Variants in SLC24A2 observed in about 807,000 individuals in gnomAD.
SLC24A2 encodes sodium/potassium/calcium exchanger 2.
In SLC24A2, 36 loss-of-function variants were observed where a neutral mutation model predicts 62.0. That is an observed-to-expected ratio of 0.58 (90% CI 0.44 to 0.77). The LOEUF (loss-of-function observed/expected upper bound fraction) is 0.77. SLC24A2 is among the 30% of genes least tolerant of loss of function. The pLI is 0.00. For synonymous variants in SLC24A2, 358 were observed against 294.0 expected, an observed-to-expected ratio of 1.22 and a Z score of -2.23; for missense variants, 846 against 817.9, an observed-to-expected ratio of 1.03 and a Z score of -0.42.
chr9:20,110,912 A>G, the SLC24A2 span, among the ~76,000 whole-genome samples: 2 of 152,308 alleles, frequency 1.3e-5, no homozygotes, highest in South Asian at 2.1e-4. Flanking sequence ...CCATTTTACA[A>G]TCAATGGCAT....
At chr9:20,172,288 A>G in the SLC24A2 span, among the ~76,000 whole-genome samples, 1 of 152,054 alleles carries the variant, frequency 6.6e-6, no homozygotes. Context: ...CACACCAGGA[A>G]CTAGAGAAAC....
chr9:19,863,447 G>C, the SLC24A2 span, among the ~76,000 whole-genome samples: 1 of 151,804 alleles, frequency 6.6e-6, no homozygotes, highest in African/African-American at 2.4e-5. Context: ...ATCATTCTCA[G>C]AGAGAGACCA....
At chr9:19,897,685 C>T in the SLC24A2 span, among the ~76,000 whole-genome samples, 1 of 152,090 alleles carries the variant, frequency 6.6e-6, no homozygotes, top group Non-Finnish European at 1.5e-5. Flanking sequence ...CACTTTAAAT[C>T]GTTCCCATTT....
Position 19,508,137 on chromosome 9 carries a change from A to C in SLC24A2, c.*8016T>G, listed in dbSNP as rs571822161. 3.3e-5 allele frequency: 5 copies of C among 152,292 alleles called. No homozygotes were observed. Among genetic ancestry groups the C allele is most frequent in the African/African-American group, 1.2e-4 (5 of 41,568 alleles). The allele number at this position is 152,292 out of a possible 1,614,324, so 9.4% of individuals were successfully genotyped here. On this transcript the variant is annotated 3_prime_UTR_variant, in exon 11 of 11. Transcript: ENST00000341998. ...AGTATGTGGATTGCTTGATGGTGGA[A>C]GCTGTTGCTTCCGGAGTTTTTTGAC... is the stretch of plus-strand genomic sequence containing the variant.
the SLC24A2 span, among the ~76,000 whole-genome samples, chr9:19,939,979 T>C: frequency 1.3e-5 from 2 of 152,248 alleles, no homozygotes; most frequent in African/African-American, 2.4e-5. Flanking sequence ...CCCCAGGCTT[T>C]AACAATAGCA....
chr9:20,287,284 G>A, the SLC24A2 span, among the ~76,000 whole-genome samples: 49,917 of 152,068 alleles, frequency 0.33, 8,306 homozygotes, highest in Middle Eastern at 0.42. Flanking sequence ...ATTACCTAGG[G>A]AATCTGGGAA....
intron 2 of SLC24A2, among the ~76,000 whole-genome samples, chr9:19,713,459 A>C (rs913530961): frequency 1.3e-5 from 2 of 152,186 alleles, no homozygotes; most frequent in African/African-American, 2.4e-5. Flanking sequence ...ATAAATTATA[A>C]TTTTAAATGT....
the SLC24A2 span, among the ~76,000 whole-genome samples, chr9:20,148,436 G>A: frequency 9.9e-5 from 15 of 152,196 alleles, no homozygotes; most frequent in African/African-American, 3.4e-4. Flanking sequence ...CTTTGACTAT[G>A]GGCATGAAGT....
chr9:19,507,639 T>C lies in SLC24A2; in HGVS notation c.*8514A>G, dbSNP rs1471927973. 2 of 152,242 alleles carry C rather than the reference T, an allele frequency of 1.3e-5. No individual in the cohort carries two copies. Among genetic ancestry groups the C allele is most frequent in the Non-Finnish European group, 2.9e-5 (2 of 68,042 alleles). The allele number at this position is 152,242 out of a possible 1,614,324, so 9.4% of individuals were successfully genotyped here. Reference sequence around the variant, plus strand: ...AGAAGTACATACTTCAGACAGCCTATGTACAAATAAGTAGAGCTTCCTGTC... The same window carrying C: ...AGAAGTACATACTTCAGACAGCCTACGTACAAATAAGTAGAGCTTCCTGTC... On this transcript the variant is annotated 3_prime_UTR_variant, in exon 11 of 11. Coordinates refer to ENST00000341998, the MANE Select transcript of SLC24A2 (RefSeq NM_020344.4).
the SLC24A2 span, chr9:19,957,726 T>C: frequency 4.6e-5 from 7 of 152,482 alleles, no homozygotes; most frequent in East Asian, 5.8e-4. Flanking sequence ...GAACCAGAAG[T>C]GAACCAGTCT....
chr9:20,080,036 A>C, the SLC24A2 span, among the ~76,000 whole-genome samples: 2 of 152,228 alleles, frequency 1.3e-5, no homozygotes, highest in East Asian at 3.8e-4. Flanking sequence ...AATATTGTGA[A>C]AATGGCCATA....
the SLC24A2 span, among the ~76,000 whole-genome samples, chr9:20,012,352 C>A: frequency 6.6e-6 from 1 of 152,154 alleles, no homozygotes; most frequent in African/African-American, 2.4e-5. Flanking sequence ...CATCAGATCT[C>A]GTGAGTCTTA....
rs369337900 is a variant in SLC24A2, at chr9:19,576,955, G to A, written c.1197C>T (p.Asn399=). Reference sequence around the variant, plus strand: ...GGTTGGCAGCCCCATTCTGCCTCTCGTTCTCATCCACATGACATTTCTTCT... The same window carrying A: ...GGTTGGCAGCCCCATTCTGCCTCTCATTCTCATCCACATGACATTTCTTCT... ...IAKKKCHVDE[N]ERQNGAANHV... The change falls in exon 6 of 11, where the codon AAC becomes AAT. Residue 399 remains asparagine (N), a synonymous_variant. Coordinates refer to ENST00000341998, the MANE Select transcript of SLC24A2 (RefSeq NM_020344.4). 8.1e-6 allele frequency: 13 copies of A among 1,613,910 alleles called. No individual in the cohort carries two copies. The highest frequency in any genetic ancestry group is 2.2e-5 in the East Asian group (1 of 44,872).
chr9:20,076,793 T>C, the SLC24A2 span, among the ~76,000 whole-genome samples: 93 of 150,906 alleles, frequency 6.2e-4, 2 homozygotes, highest in South Asian at 0.019. Context: ...ATTGTGAATA[T>C]TGCTGCAATG....
intron 6 of SLC24A2, among the ~76,000 whole-genome samples, chr9:19,575,005 T>C (rs1835964993): frequency 6.6e-6 from 1 of 152,166 alleles, no homozygotes; most frequent in Non-Finnish European, 1.5e-5. Context: ...GACATTTCCA[T>C]CACTGGTGCT....
chr9:20,277,577 T>C, the SLC24A2 span, among the ~76,000 whole-genome samples: 1 of 152,048 alleles, frequency 6.6e-6, no homozygotes, highest in Non-Finnish European at 1.5e-5. Flanking sequence ...CATTAAAAAG[T>C]CAGGAAACAA....
the SLC24A2 span, among the ~76,000 whole-genome samples, chr9:20,212,952 A>G: frequency 6.6e-6 from 1 of 151,794 alleles, no homozygotes; most frequent in Non-Finnish European, 1.5e-5. Context: ...GTTCTCACTT[A>G]TAAGTGGGAG....
intron 4 of SLC24A2, among the ~76,000 whole-genome samples, chr9:19,600,190 C>T (rs1024221098): frequency 6.6e-6 from 1 of 152,220 alleles, no homozygotes; most frequent in Admixed American, 6.5e-5. Context: ...ACCCTGTGGT[C>T]GGTGTTTGAG....
chr9:20,082,947 T>C, the SLC24A2 span, among the ~76,000 whole-genome samples: 1 of 152,244 alleles, frequency 6.6e-6, no homozygotes, highest in African/African-American at 2.4e-5. Context: ...TGAATTATTC[T>C]GTGTCTCAAT....
Sources: gnomAD v4.1 joint callset for allele counts (sites outside exome capture counted in the v4.1 genomes callset) on GRCh38, gnomAD v4.1.1 for gene constraint, MANE v1.5 for transcripts, NCBI Gene and HGNC (gene_info 2026-07-23, HGNC 2026-07-21) for gene names.